Variants in IGHMBP2 observed in about 807,000 individuals in gnomAD.
IGHMBP2 encodes the protein DNA-binding protein SMUBP-2.
In IGHMBP2, 81 loss-of-function variants were observed where a neutral mutation model predicts 96.0. That is an observed-to-expected ratio of 0.84 (90% confidence interval 0.71 to 1.01). The LOEUF (loss-of-function observed/expected upper bound fraction) is 1.01. Among genes scored for constraint, IGHMBP2 ranks in the 50% least tolerant of loss-of-function variants. IGHMBP2 has a pLI of 0.00. For missense variants in IGHMBP2, 1,227 were observed against 1,306.3 expected (o/e 0.94, Z 0.94); for synonymous variants, 557 against 548.9 (o/e 1.01, Z -0.21).
chr11:68,920,023 C>G (rs1458255108), intron 7 of IGHMBP2, among the ~76,000 whole-genome samples: 3 of 152,158 alleles, frequency 2.0e-5, no homozygotes, highest in Admixed American at 6.5e-5. Context: ...TTTCATCTTG[C>G]AGACCTGAAG....
intron 4 of IGHMBP2, among the ~76,000 whole-genome samples, chr11:68,909,193 G>C (rs1175120088): frequency 8.7e-6 from 1 of 115,360 alleles, no homozygotes; most frequent in Non-Finnish European, 1.8e-5. Flanking sequence ...GGTGGAGGGG[G>C]GGGGCGGATG....
intron 8 of IGHMBP2, among the ~76,000 whole-genome samples, chr11:68,932,069 G>T (rs906566169): frequency 2.0e-5 from 3 of 149,584 alleles, no homozygotes; most frequent in African/African-American, 2.5e-5. Flanking sequence ...GGATGGTTTC[G>T]GGGAAAACAT....
intron 4 of IGHMBP2, among the ~76,000 whole-genome samples, chr11:68,909,709 C>T (rs1256352051): frequency 6.7e-6 from 1 of 150,218 alleles, no homozygotes; most frequent in Non-Finnish European, 1.5e-5. Flanking sequence ...CTCACTGCAA[C>T]CTCCGCCTCC....
At chr11:68,905,977 TTATC>T (rs1858174622) in intron 1 of IGHMBP2, 88 bp from the exon 2 acceptor site, 75 of 1,290,940 alleles carry the variant, frequency 5.8e-5, no homozygotes, top group Non-Finnish European at 8.2e-5. Context: ...GAGTAGATCT[TTATC>T]TATGTTTCTT....
Position 68,915,166 on chromosome 11 carries a change from C to CTTTTTTTTTTTTTTTTTTTTTTTT in IGHMBP2, c.912+150_912+173dup, listed in dbSNP as rs71043470. The CTTTTTTTTTTTTTTTTTTTTTTTT allele has an allele frequency of 2.8e-4, 57 of 206,376 alleles. 8 individuals are homozygous for CTTTTTTTTTTTTTTTTTTTTTTTT. The highest frequency in any genetic ancestry group is 3.4e-4 in the Non-Finnish European group (42 of 123,778). The allele number at this position is 206,376 out of a possible 1,614,324, so 12.8% of individuals were successfully genotyped here. Reference sequence around the variant, plus strand: ...TAATAATTTTAAAAATTGGGCTGCCCTTTTTTTTTTTTTTTTTTTTTTTTT... The same window carrying CTTTTTTTTTTTTTTTTTTTTTTTT: ...TAATAATTTTAAAAATTGGGCTGCCCTTTTTTTTTTTTTTTTTTTTTTTTTTTTTTTTTTTTTTTTTTTTTTTTT... On this transcript the variant is annotated intron_variant, in intron 6 of 14. Coordinates refer to ENST00000255078, the MANE Select transcript of IGHMBP2 (RefSeq NM_002180.3).
chr11:68,926,361 C>T (rs916271835), intron 7 of IGHMBP2: 1 of 147,642 alleles, frequency 6.8e-6, no homozygotes, highest in African/African-American at 2.5e-5. Flanking sequence ...ACCTCTGCCT[C>T]CCAGGTTCAA....
intron 6 of IGHMBP2, 119 bp from the exon 7 acceptor site, chr11:68,917,617 T>G: frequency 1.2e-6 from 1 of 828,408 alleles, no homozygotes; most frequent in Non-Finnish European, 2.0e-6. Context: ...GGAAGATTTC[T>G]GAGTGTTTTT....
chr11:68,910,903 G>A (rs928282197), intron 4 of IGHMBP2, among the ~76,000 whole-genome samples: 1 of 149,084 alleles, frequency 6.7e-6, no homozygotes, highest in Non-Finnish European at 1.5e-5. Flanking sequence ...AAAAAAAGAA[G>A]CAGATCTTTA....
chr11:68,935,218 G>A, intron 11 of IGHMBP2, 81 bp from the exon 12 acceptor site: 2 of 1,569,380 alleles, frequency 1.3e-6, no homozygotes, highest in Non-Finnish European at 1.7e-6. Context: ...ACAGCGTGAG[G>A]CCCTCTGCTG....
At chr11:68,930,329 T>C (rs764391744) in intron 8 of IGHMBP2, 1 of 1,289,806 alleles carries the variant, frequency 7.8e-7, no homozygotes, top group South Asian at 1.2e-5. Context: ...GTAGAAGCTA[T>C]GAACTCGGAA....
Position 68,939,757 on chromosome 11 carries a change from G to C in IGHMBP2, c.*26G>C. On this transcript the variant is annotated 3_prime_UTR_variant, in exon 15 of 15. Coordinates refer to ENST00000255078, the MANE Select transcript of IGHMBP2 (RefSeq NM_002180.3). ...CCGGCCGCATCCTTGCACGCCCCGC[G>C]GAGCTCTCTCCATGGTAGCCCAGGG... 1 of 1,584,508 alleles carries C rather than the reference G, an allele frequency of 6.3e-7. No homozygotes were observed. The highest frequency in any genetic ancestry group is 8.6e-7 in the Non-Finnish European group (1 of 1,166,014).
intron 11 of IGHMBP2, 86 bp from the exon 12 acceptor site, chr11:68,935,213 G>C: frequency 2.6e-6 from 4 of 1,554,572 alleles, no homozygotes; most frequent in South Asian, 1.2e-5. Flanking sequence ...GTTTCACAGC[G>C]TGAGGCCCTC....
At chr11:68,934,654 G>A (rs1471314553) in intron 11 of IGHMBP2, 96 bp downstream of exon 11, 26 of 957,228 alleles carry the variant, frequency 2.7e-5, no homozygotes, top group African/African-American at 1.3e-4. Context: ...TGTGGTGACC[G>A]AAAAGTTCAG....
chr11:68,938,064 A>C (rs2154009091), intron 13 of IGHMBP2, 118 bp from the exon 14 acceptor site: 1 of 1,185,244 alleles, frequency 8.4e-7, no homozygotes, highest in Middle Eastern at 2.4e-4. Context: ...TCAGCCTCCC[A>C]AAATGCTGGG....
intron 2 of IGHMBP2, among the ~76,000 whole-genome samples, chr11:68,907,029 G>A (rs1256591102): frequency 1.3e-5 from 2 of 152,102 alleles, no homozygotes; most frequent in Non-Finnish European, 2.9e-5. Context: ...GGAGGCCGAG[G>A]TGGGTGGATC....
chr11:68,936,153 T>G, intron 12 of IGHMBP2, 84 bp from the exon 13 acceptor site: 2 of 1,504,916 alleles, frequency 1.3e-6, no homozygotes, highest in Non-Finnish European at 1.8e-6. Flanking sequence ...ACACTTTTGG[T>G]GGTGGTTACT....
intron 7 of IGHMBP2, among the ~76,000 whole-genome samples, chr11:68,921,984 C>T (rs975076155): frequency 1.3e-5 from 2 of 152,174 alleles, no homozygotes; most frequent in Admixed American, 6.5e-5. Flanking sequence ...AATTGGTCAT[C>T]CTTATCCTTG....
intron 8 of IGHMBP2, chr11:68,932,412 G>A (rs995915125): frequency 6.6e-6 from 1 of 152,320 alleles, no homozygotes; most frequent in African/African-American, 2.4e-5. Context: ...TGGTGCAGAG[G>A]GTGGGCTCTG....
intron 7 of IGHMBP2, among the ~76,000 whole-genome samples, chr11:68,918,194 C>G (rs1235999403): frequency 6.6e-6 from 1 of 151,946 alleles, no homozygotes; most frequent in African/African-American, 2.4e-5. Context: ...CTAATATGCC[C>G]TTATTCTTCT....
Sources: gnomAD v4.1 joint callset for allele counts (sites outside exome capture counted in the v4.1 genomes callset) on GRCh38, gnomAD v4.1.1 for gene constraint, MANE v1.5 for transcripts, NCBI Gene and HGNC (gene_info 2026-07-23, HGNC 2026-07-21) for gene names.